NTRK1: variants seen among roughly 807,000 people sequenced by gnomAD.
NTRK1 encodes neurotrophic receptor tyrosine kinase 1.
NTRK1 carries 62 observed loss-of-function variants against 86.8 expected under a neutral mutation model. That is an observed-to-expected ratio of 0.71 (90% CI 0.58 to 0.88). The LOEUF (loss-of-function observed/expected upper bound fraction) is 0.88. NTRK1 is among the 40% of genes least tolerant of loss of function. NTRK1 has a pLI of 0.00. For synonymous variants in NTRK1, 469 were observed against 456.6 expected (o/e 1.03, Z -0.35); for missense variants, 967 against 1,078.4 (o/e 0.90, Z 1.45).
chr1:156,840,983 T>G, intron 1 of NTRK1: 1 of 1,613,544 alleles, frequency 6.2e-7, no homozygotes, highest in East Asian at 2.2e-5. Context: ...CATTCCGGGC[T>G]GTAGTAGAAG....
intron 2 of NTRK1, chr1:156,852,314 T>C: frequency 1.0e-6 from 1 of 955,510 alleles, no homozygotes; most frequent in Non-Finnish European, 1.5e-6. Flanking sequence ...TCCCTCCCAT[T>C]CAGATGACAC....
chr1:156,842,338 C>T (rs1654830293), intron 2 of NTRK1: 3 of 1,612,900 alleles, frequency 1.9e-6, no homozygotes, highest in African/African-American at 1.3e-5. Flanking sequence ...AGAACTGGCC[C>T]CCACCTCCCA....
intron 8 of NTRK1, 87 bp from the exon 9 acceptor site, chr1:156,874,296 G>C (rs2102908351): frequency 6.3e-7 from 1 of 1,575,274 alleles, no homozygotes; most frequent in African/African-American, 1.3e-5. Context: ...GAGTCCCAGA[G>C]TAGGCAGGGG....
intron 1 of NTRK1, among the ~76,000 whole-genome samples, chr1:156,818,995 C>CTGTG (rs142975760): frequency 6.6e-6 from 1 of 150,850 alleles, no homozygotes; most frequent in Non-Finnish European, 1.5e-5. Context: ...ATTTGTGTGT[C>CTGTG]TGTGTGTGTG....
intron 13 of NTRK1, 90 bp from the exon 14 acceptor site, chr1:156,876,310 G>A (rs2102918513): frequency 6.2e-7 from 1 of 1,609,862 alleles, no homozygotes; most frequent in Non-Finnish European, 8.5e-7. Context: ...GGCTGACATG[G>A]CTGGATACCG....
chr1:156,844,162 G>T (rs757161901), intron 2 of NTRK1: 2 of 1,595,646 alleles, frequency 1.3e-6, no homozygotes, highest in Non-Finnish European at 1.7e-6. Flanking sequence ...GGACCGGTGG[G>T]ACTTATCATC....
chr1:156,853,452 A>G (rs6700238), intron 2 of NTRK1, among the ~76,000 whole-genome samples: 2,241 of 152,284 alleles, frequency 0.015, 57 homozygotes, highest in African/African-American at 0.051. Context: ...CCACTGCCCC[A>G]CACTGCTTCT....
rs1170769564 is a variant in NTRK1 at position 156,875,090 on chromosome 1, G to A, written c.1354+82G>A. 5 of 1,042,532 alleles carry A rather than the reference G, an allele frequency of 4.8e-6. No individual in the cohort carries two copies. In the African/African-American group the frequency reaches 6.3e-5, roughly 13 times the overall value. The allele number at this position is 1,042,532 out of a possible 1,614,324, so 64.6% of individuals were successfully genotyped here. Reference sequence around the variant, plus strand: ...ACTGGCTCTTCCTGACTCTGTCTCTGGGGGGCTGTGCACATGGGAGTTCCA... The same window carrying A: ...ACTGGCTCTTCCTGACTCTGTCTCTAGGGGGCTGTGCACATGGGAGTTCCA... On this transcript the variant is annotated intron_variant, in intron 11 of 16. Coordinates refer to ENST00000524377, the MANE Select transcript of NTRK1 (RefSeq NM_002529.4).
chr1:156,844,945 T>C (rs966435203), intron 2 of NTRK1: 1 of 1,562,654 alleles, frequency 6.4e-7, no homozygotes, highest in Non-Finnish European at 8.7e-7. Context: ...GGGAAAGCTT[T>C]GGGATTATGG....
In NTRK1 at chr1:156,876,603, G is replaced by T. The variant is rs189859960; in HGVS notation, c.1805+31G>T. On this transcript the variant is annotated intron_variant, in intron 14 of 16. Coordinates refer to ENST00000524377, the MANE Select transcript of NTRK1 (RefSeq NM_002529.4). ...AGCACCTGGCCTCAGCGCTGGCCCCGGCCCCTGGCTCTGGGCCCCGTCTTC... is the reference window on the plus strand; with the variant it reads ...AGCACCTGGCCTCAGCGCTGGCCCCTGCCCCTGGCTCTGGGCCCCGTCTTC... The T allele has an allele frequency of 6.8e-5, 108 of 1,595,514 alleles. No individual in the cohort carries two copies. In the African/African-American group the frequency reaches 1.3e-3, roughly 20 times the overall value.
chr1:156,837,081 A>G (rs529466424), intron 1 of NTRK1: 1 of 152,330 alleles, frequency 6.6e-6, no homozygotes, highest in Non-Finnish European at 1.5e-5. Context: ...TGGCCCCTTT[A>G]AAGAGCCTTG....
At chr1:156,820,704 A>C (rs1373025465) in intron 1 of NTRK1, among the ~76,000 whole-genome samples, 2 of 152,198 alleles carry the variant, frequency 1.3e-5, no homozygotes, top group Non-Finnish European at 2.9e-5. Context: ...GTTTAATTCG[A>C]AGTTGGATAA....
intron 2 of NTRK1, chr1:156,851,561 T>C: frequency 6.2e-7 from 1 of 1,609,338 alleles, no homozygotes; most frequent in Non-Finnish European, 8.5e-7. Context: ...TGGAAAATTG[T>C]GCTGAGTTGG....
chr1:156,857,572 G>T (rs904503504), upstream of NTRK1, among the ~76,000 whole-genome samples: 9 of 152,208 alleles, frequency 5.9e-5, no homozygotes, highest in East Asian at 1.5e-3. Flanking sequence ...GAAGAGGAGG[G>T]GGTTCGGTGG....
In NTRK1 at chr1:156,873,687, C is replaced by T. The variant is rs1181004723; in HGVS notation, c.905C>T (p.Pro302Leu). The T allele has an allele frequency of 6.2e-7, 1 of 1,611,346 alleles. No homozygotes were observed. Among genetic ancestry groups the T allele is most frequent in the Non-Finnish European group, 8.5e-7 (1 of 1,179,540 alleles). The stretch of plus-strand genomic sequence containing the variant: ...GTGGAGATGCACCACTGGTGCATCC[C>T]CTTCTCTGTGGATGGGCAGCCGGCA... ...TAVEMHHWCI[P>L]FSVDGQPAPS... The change falls in exon 8 of 17, where the codon CCC (proline) becomes CTC (leucine). Residue 302 changes from proline (P) to leucine (L), a missense_variant. Transcript: ENST00000524377.
chr1:156,816,264 C>T, intron 1 of NTRK1: 1 of 703,720 alleles, frequency 1.4e-6, no homozygotes, highest in Non-Finnish European at 1.7e-6. Flanking sequence ...GTTAAGTAGC[C>T]AAGGCGGCAT....
chr1:156,879,322 T>C lies in NTRK1; in HGVS notation c.2006T>C (p.Phe669Ser). The change falls in exon 15 of 17, where the codon TTT becomes TCT. Residue 669 changes from phenylalanine to serine, a missense_variant. Transcript: ENST00000524377. The stretch of plus-strand genomic sequence containing the variant: ...GGACTGGTGGTCAAGATTGGTGATT[T>C]TGGCATGAGCAGGGATATCTACAGC... ...GQGLVVKIGD[F>S]GMSRDIYSTD... 1.2e-6 allele frequency: 2 copies of C among 1,611,892 alleles called. No homozygotes were observed. Among genetic ancestry groups the C allele is most frequent in the Non-Finnish European group, 1.7e-6 (2 of 1,180,004 alleles).
chr1:156,825,623 C>CA (rs1175994415), intron 1 of NTRK1, among the ~76,000 whole-genome samples: 1 of 152,182 alleles, frequency 6.6e-6, no homozygotes, highest in East Asian at 1.9e-4. Context: ...TATTATGTGA[C>CA]AAATAACTGC....
At chr1:156,833,733 C>T (rs1024426497) in intron 1 of NTRK1, among the ~76,000 whole-genome samples, 3 of 152,204 alleles carry the variant, frequency 2.0e-5, no homozygotes, top group Non-Finnish European at 2.9e-5. Flanking sequence ...ACTCTGCCAA[C>T]CACACTTCCC....
Sources: allele counts gnomAD v4.1 joint callset (sites outside exome capture counted in the v4.1 genomes callset), GRCh38; gene constraint gnomAD v4.1.1; transcripts MANE v1.5; gene names NCBI Gene and HGNC (gene_info 2026-07-23, HGNC 2026-07-21).